Variants in EDIL3 observed in about 807,000 individuals in gnomAD.
The protein encoded by EDIL3 is EGF-like repeat and discoidin I-like domain-containing protein 3.
EDIL3 carries 37 observed loss-of-function variants against 67.4 expected under a neutral mutation model. The observed-to-expected ratio is 0.55, with a 90% CI of 0.42 to 0.72. The LOEUF (loss-of-function observed/expected upper bound fraction) is 0.72. Ranked by LOEUF, EDIL3 falls within the 30% of genes least tolerant of loss-of-function variation. EDIL3 has a pLI of 0.00. For synonymous variants in EDIL3, 195 were observed against 196.3 expected (o/e 0.99, Z 0.05); for missense variants, 527 against 586.3 (o/e 0.90, Z 1.04).
chr5:84,344,871 G>C (rs1017999374), intron 1 of EDIL3, among the ~76,000 whole-genome samples: 5 of 152,064 alleles, frequency 3.3e-5, no homozygotes, highest in African/African-American at 1.2e-4. Context: ...TCAAATGGTA[G>C]AGTTCCAGAT....
At chr5:84,367,303 C>T (rs1482130157) in intron 1 of EDIL3, among the ~76,000 whole-genome samples, 1 of 151,840 alleles carries the variant, frequency 6.6e-6, no homozygotes, top group Admixed American at 6.6e-5. Flanking sequence ...CAGGGTCTTG[C>T]TCTGTCACCT....
intron 2 of EDIL3, among the ~76,000 whole-genome samples, chr5:84,244,542 G>T (rs1482894318): frequency 6.6e-6 from 1 of 151,824 alleles, no homozygotes; most frequent in Non-Finnish European, 1.5e-5. Context: ...GCCCGCCTTG[G>T]TCTCCCAAAG....
At chr5:83,952,051 G>A (rs1238720509) in intron 10 of EDIL3, among the ~76,000 whole-genome samples, 1 of 151,750 alleles carries the variant, frequency 6.6e-6, no homozygotes, top group Non-Finnish European at 1.5e-5. Flanking sequence ...TCATTCTACG[G>A]ACTGTTTTCT....
rs186869624 is a variant in EDIL3, at chr5:84,015,282, G to A, written c.1137+45018C>T. Among the ~76,000 whole-genome samples, 13 of 152,284 alleles carry A rather than the reference G, an allele frequency of 8.5e-5. No individual in the cohort carries two copies. The East Asian group carries it at 2.3e-3, about 27-fold the overall frequency. ...AATGGTACCTTAGAACTGATTAAAT[G>A]ATAAAAGTCATCTAGTTCAAAGGAA... is the stretch of plus-strand genomic sequence containing the variant. On this transcript the variant is annotated intron_variant, in intron 9 of 10. Coordinates refer to ENST00000296591, the MANE Select transcript of EDIL3 (RefSeq NM_005711.5).
At chr5:83,960,506 A>G (rs553315009) in intron 10 of EDIL3, among the ~76,000 whole-genome samples, 1 of 151,148 alleles carries the variant, frequency 6.6e-6, no homozygotes, top group South Asian at 2.1e-4. Flanking sequence ...CACCCCAAAT[A>G]TGCACAAGTA....
intron 9 of EDIL3, among the ~76,000 whole-genome samples, chr5:84,037,468 C>T (rs889915424): frequency 6.6e-6 from 1 of 152,004 alleles, no homozygotes; most frequent in Non-Finnish European, 1.5e-5. Context: ...GAAAATACTA[C>T]AAAATAAAAT....
At chr5:84,216,443 AAT>A (rs2112395092) in intron 3 of EDIL3, among the ~76,000 whole-genome samples, 1 of 152,334 alleles carries the variant, frequency 6.6e-6, no homozygotes, top group African/African-American at 2.4e-5. Flanking sequence ...AATTCCAAAA[AAT>A]ATATGACATT....
intron 3 of EDIL3, among the ~76,000 whole-genome samples, chr5:84,217,070 T>C (rs1021915612): frequency 6.6e-6 from 1 of 151,044 alleles, no homozygotes; most frequent in Non-Finnish European, 1.5e-5. Context: ...CCAGGAAATC[T>C]CCACAACAGT....
At chr5:84,068,277 C>T (rs965818925) in intron 6 of EDIL3, among the ~76,000 whole-genome samples, 1 of 151,958 alleles carries the variant, frequency 6.6e-6, no homozygotes. Flanking sequence ...TTAAACATTT[C>T]CAATACATAC....
At chr5:84,205,400 T>A (rs1015079847) in intron 3 of EDIL3, among the ~76,000 whole-genome samples, 2 of 152,082 alleles carry the variant, frequency 1.3e-5, no homozygotes, top group African/African-American at 2.4e-5. Flanking sequence ...AACAATGAAG[T>A]CAGATGTGTC....
chr5:83,953,011 G>A (rs1348618805), intron 10 of EDIL3, among the ~76,000 whole-genome samples: 1 of 151,780 alleles, frequency 6.6e-6, no homozygotes, highest in Non-Finnish European at 1.5e-5. Context: ...GGATGCAGGG[G>A]TGGCAAAGTG....
intron 1 of EDIL3, among the ~76,000 whole-genome samples, chr5:84,368,711 A>T (rs1416491221): frequency 1.3e-5 from 2 of 152,106 alleles, no homozygotes; most frequent in Non-Finnish European, 2.9e-5. Context: ...GAGAAAAAAA[A>T]TTTGCAAAAC....
At chr5:84,213,502 G>A (rs960608154) in intron 3 of EDIL3, among the ~76,000 whole-genome samples, 7 of 152,022 alleles carry the variant, frequency 4.6e-5, no homozygotes, top group African/African-American at 1.2e-4. Flanking sequence ...TTAATTCTTC[G>A]TTTTTACTAT....
chr5:84,382,908 G>A (rs1748118795), intron 1 of EDIL3, among the ~76,000 whole-genome samples: 2 of 152,156 alleles, frequency 1.3e-5, no homozygotes, highest in South Asian at 4.1e-4. Flanking sequence ...GCAAGGCGCG[G>A]CCATGGATCT....
chr5:84,230,798 T>TGTGTGTGTGTGTGA lies in EDIL3; in HGVS notation c.197-915_197-914insTCACACACACACAC, dbSNP rs1491220256. ...GTGTGTGTGTGTGTGTGTGTGTGTGTGACATACACACACTTACATATACCA... is the reference window on the plus strand; with the variant it reads ...GTGTGTGTGTGTGTGTGTGTGTGTGTGTGTGTGTGTGTGAGACATACACACACTTACATATACCA... On this transcript the variant is annotated intron_variant, in intron 2 of 10. Coordinates refer to ENST00000296591, the MANE Select transcript of EDIL3 (RefSeq NM_005711.5). Among the ~76,000 whole-genome samples, 793 of 150,532 alleles carry TGTGTGTGTGTGTGA rather than the reference T, an allele frequency of 5.3e-3. 5 individuals carry two copies. The highest frequency in any genetic ancestry group is 8.6e-3 in the Non-Finnish European group (577 of 67,448).
intron 6 of EDIL3, among the ~76,000 whole-genome samples, chr5:84,085,200 T>C (rs112043516): frequency 2.0e-3 from 298 of 152,296 alleles, no homozygotes; most frequent in African/African-American, 6.9e-3. Context: ...TCTCATTCTC[T>C]GTCCAGTTTT....
intron 4 of EDIL3, among the ~76,000 whole-genome samples, chr5:84,176,784 C>T (rs768651714): frequency 2.0e-5 from 3 of 148,600 alleles, no homozygotes; most frequent in East Asian, 2.0e-4. Flanking sequence ...TGTGTGTGAG[C>T]GCATGCGTGT....
At chr5:84,223,039 C>CA (rs1238294543) in intron 3 of EDIL3, among the ~76,000 whole-genome samples, 1 of 151,594 alleles carries the variant, frequency 6.6e-6, no homozygotes, top group East Asian at 1.9e-4. Flanking sequence ...CTGTGACATC[C>CA]AAAAAATCAT....
At chr5:84,099,071 C>T (rs937441484) in intron 6 of EDIL3, among the ~76,000 whole-genome samples, 1 of 152,126 alleles carries the variant, frequency 6.6e-6, no homozygotes, top group East Asian at 1.9e-4. Context: ...TCAAGAAGAA[C>T]TACAAACCAC....
Sources: allele counts gnomAD v4.1 joint callset (sites outside exome capture counted in the v4.1 genomes callset), GRCh38; gene constraint gnomAD v4.1.1; transcripts MANE v1.5; gene names NCBI Gene and HGNC (gene_info 2026-07-23, HGNC 2026-07-21).